SPOCK1: variants seen among roughly 807,000 people sequenced by gnomAD.
SPOCK1 encodes testican-1.
SPOCK1 carries 23 observed loss-of-function variants against 55.3 expected under a neutral mutation model. The ratio of observed to expected loss-of-function variants is 0.42; its 90% confidence interval spans 0.30 to 0.59. SPOCK1 has a LOEUF of 0.59. Among genes scored for constraint, SPOCK1 ranks in the 20% least tolerant of loss-of-function variants. The pLI, the probability that SPOCK1 is intolerant of heterozygous loss-of-function variation, is 0.22. For synonymous variants in SPOCK1, 226 were observed against 221.0 expected (o/e 1.02, Z -0.20); for missense variants, 499 against 552.5 (o/e 0.90, Z 0.97).
In SPOCK1 at chr5:137,498,266, C is replaced by CCACACACACACACACACACACACACA. The variant is rs544933594; in HGVS notation, c.186+81_186+106dup. The CCACACACACACACACACACACACACA allele has an allele frequency of 1.1e-5, 8 of 747,072 alleles. No homozygotes were observed. In the African/African-American group the frequency reaches 1.2e-4, roughly 11 times the overall value. 46.3% of individuals were successfully genotyped at this position (747,072 alleles called of 1,614,324 possible). On this transcript the variant is annotated intron_variant, in intron 2 of 10. Transcript: ENST00000394945. ...AGATGCCCACCTGTCCCCCTCCCAA[C>CCACACACACACACACACACACACACA]CACACACACACACACACACACACAC...
At chr5:137,315,001 A>C (rs528054786) in intron 2 of SPOCK1, among the ~76,000 whole-genome samples, 2 of 152,288 alleles carry the variant, frequency 1.3e-5, no homozygotes, top group Admixed American at 1.3e-4. Context: ...TGTATGCACC[A>C]AAGTCAGCTT....
chr5:137,348,450 T>C (rs1750607768), intron 2 of SPOCK1, among the ~76,000 whole-genome samples: 1 of 147,934 alleles, frequency 6.8e-6, no homozygotes, highest in African/African-American at 2.5e-5. Context: ...AACAAATTGC[T>C]ACTTGCTGCA....
intron 2 of SPOCK1, among the ~76,000 whole-genome samples, chr5:137,317,850 G>C (rs931970594): frequency 6.6e-6 from 1 of 152,170 alleles, no homozygotes; most frequent in African/African-American, 2.4e-5. Flanking sequence ...GATGAAACTA[G>C]TTTCCAAGAT....
chr5:137,142,855 G>A lies in SPOCK1; in HGVS notation c.233-2161C>T, dbSNP rs573424733. ...TGCAGTCTCAGCCCAGTGCACTGCCGCCCACGCCAACCCTGGGGCTGCAGC... is the reference window on the plus strand; with the variant it reads ...TGCAGTCTCAGCCCAGTGCACTGCCACCCACGCCAACCCTGGGGCTGCAGC... On this transcript the variant is annotated intron_variant, in intron 3 of 10. Transcript: ENST00000394945. 1.8e-4 allele frequency among the ~76,000 whole-genome samples: 27 copies of A among 152,252 alleles called. No individual in the cohort carries two copies. The South Asian group carries it at 4.6e-3, about 26-fold the overall frequency.
intron 2 of SPOCK1, among the ~76,000 whole-genome samples, chr5:137,283,574 G>A (rs1338451725): frequency 3.3e-5 from 5 of 152,140 alleles, no homozygotes; most frequent in Non-Finnish European, 7.3e-5. Flanking sequence ...AATTAGCCAG[G>A]TGTGGTGATG....
chr5:137,322,577 GTA>G (rs1757999615), intron 2 of SPOCK1, among the ~76,000 whole-genome samples: 1 of 152,032 alleles, frequency 6.6e-6, no homozygotes, highest in Non-Finnish European at 1.5e-5. Flanking sequence ...TAGAATTTTT[GTA>G]TGTGACTGAA....
chr5:137,352,554 G>A (rs1750705905), intron 2 of SPOCK1, among the ~76,000 whole-genome samples: 1 of 152,140 alleles, frequency 6.6e-6, no homozygotes, highest in African/African-American at 2.4e-5. Context: ...ATCTGTTACA[G>A]AGCTAGTAGA....
At chr5:137,437,931 T>A (rs1236382842) in intron 2 of SPOCK1, among the ~76,000 whole-genome samples, 5 of 152,186 alleles carry the variant, frequency 3.3e-5, no homozygotes, top group African/African-American at 7.2e-5. Context: ...CCCCACCCAG[T>A]TCCTGGCAAC....
intron 2 of SPOCK1, among the ~76,000 whole-genome samples, chr5:137,318,983 T>C (rs1244541461): frequency 6.6e-6 from 1 of 152,238 alleles, no homozygotes. Context: ...ATCCAGGGCA[T>C]ACAATTCATG....
intron 2 of SPOCK1, among the ~76,000 whole-genome samples, chr5:137,278,506 C>T (rs1757111078): frequency 6.6e-6 from 1 of 152,182 alleles, no homozygotes; most frequent in Non-Finnish European, 1.5e-5. Context: ...CCTCTCTGAG[C>T]AACAGCCACT....
At chr5:137,154,089 A>G (rs188245645) in intron 3 of SPOCK1, among the ~76,000 whole-genome samples, 2 of 152,004 alleles carry the variant, frequency 1.3e-5, no homozygotes, top group African/African-American at 4.8e-5. Flanking sequence ...GGAGTTCAAG[A>G]CCACCCTGAC....
chr5:136,985,105 A>C, intron 9 of SPOCK1, 35 bp downstream of exon 9: 1 of 1,596,286 alleles, frequency 6.3e-7, no homozygotes, highest in Non-Finnish European at 8.6e-7. Context: ...TGGCTTAATT[A>C]GTTGTTTAAA....
rs1329143975 is a variant in SPOCK1, at chr5:136,979,378, A to G, written c.1083T>C (p.Tyr361=). The stretch of plus-strand genomic sequence containing the variant: ...TCCTGGAGCCAGCCAACTCATTCCC[A>G]TATTTGTCCACACACCAGCACTGCC... ...STGQCWCVDK[Y]GNELAGSRKQ... is the part of the protein sequence containing the mutation. Residue 361 remains tyrosine (Y), a synonymous_variant, in exon 10 of 11, where the codon TAT becomes TAC. Transcript: ENST00000394945. 4 of 1,613,900 alleles carry G rather than the reference A, an allele frequency of 2.5e-6. No individual in the cohort carries two copies. Among genetic ancestry groups the G allele is most frequent in the Non-Finnish European group, 3.4e-6 (4 of 1,179,994 alleles).
intron 2 of SPOCK1, among the ~76,000 whole-genome samples, chr5:137,423,741 G>C (rs924448282): frequency 1.3e-5 from 2 of 152,180 alleles, no homozygotes; most frequent in Non-Finnish European, 2.9e-5. Flanking sequence ...CGGGTAAGGC[G>C]ATGCCTCGCC....
At chr5:137,191,538 C>A (rs1462968595) in intron 3 of SPOCK1, among the ~76,000 whole-genome samples, 3 of 152,186 alleles carry the variant, frequency 2.0e-5, no homozygotes, top group Non-Finnish European at 4.4e-5. Flanking sequence ...TCATCCAGTA[C>A]CTCAAAACCT....
intron 2 of SPOCK1, among the ~76,000 whole-genome samples, chr5:137,289,689 T>C (rs1757332259): frequency 6.6e-6 from 1 of 151,990 alleles, no homozygotes; most frequent in South Asian, 2.1e-4. Context: ...AGAATAAAAT[T>C]CATAAAGCAT....
chr5:137,181,364 C>T (rs571467002), intron 3 of SPOCK1, among the ~76,000 whole-genome samples: 154 of 152,330 alleles, frequency 1.0e-3, no homozygotes, highest in Middle Eastern at 6.8e-3. Context: ...GGTAGTGACA[C>T]AAAGGTATCT....
At chr5:137,218,874 G>A (rs1755769415) in intron 3 of SPOCK1, among the ~76,000 whole-genome samples, 1 of 152,172 alleles carries the variant, frequency 6.6e-6, no homozygotes, top group African/African-American at 2.4e-5. Context: ...CCTGGGCAGA[G>A]GCGGCATGGT....
intron 3 of SPOCK1, among the ~76,000 whole-genome samples, chr5:137,236,276 G>T (rs1756179574): frequency 6.6e-6 from 1 of 152,034 alleles, no homozygotes; most frequent in Non-Finnish European, 1.5e-5. Context: ...TGACGAGGGG[G>T]TTACAATCAG....
Sources: gnomAD v4.1 joint callset for allele counts (sites outside exome capture counted in the v4.1 genomes callset) on GRCh38, gnomAD v4.1.1 for gene constraint, MANE v1.5 for transcripts, NCBI Gene and HGNC (gene_info 2026-07-23, HGNC 2026-07-21) for gene names.